The following SIAH2 variants were observed in gnomAD, a reference collection of about 807,000 sequenced individuals.
The protein encoded by SIAH2 is siah E3 ubiquitin protein ligase 2.
Under a neutral mutation model 20.4 loss-of-function variants are expected in SIAH2, and 4 were observed. The ratio of observed to expected loss-of-function variants is 0.20; its 90% CI spans 0.10 to 0.45. SIAH2 has a LOEUF of 0.45. SIAH2 is among the 20% of genes least tolerant of loss of function. The pLI is 0.99. For synonymous variants in SIAH2, 171 were observed against 192.5 expected (o/e 0.89, Z 0.93); for missense variants, 259 against 440.3 (o/e 0.59, Z 3.69).
At chr3:150,746,080 G>A (rs757280516) in intron 1 of SIAH2, among the ~76,000 whole-genome samples, 8 of 152,110 alleles carry the variant, frequency 5.3e-5, no homozygotes, top group African/African-American at 1.7e-4. Flanking sequence ...CACAGGGTGA[G>A]TGGAGGAAAC....
At chr3:150,757,013 T>C (rs542537206) in intron 1 of SIAH2, among the ~76,000 whole-genome samples, 27 of 152,164 alleles carry the variant, frequency 1.8e-4, no homozygotes, top group Non-Finnish European at 4.0e-4. Flanking sequence ...GATCCCCCAT[T>C]GCAACCTTCC....
chr3:150,745,408 A>T (rs1576580390), intron 1 of SIAH2, among the ~76,000 whole-genome samples: 1 of 152,178 alleles, frequency 6.6e-6, no homozygotes, highest in East Asian at 1.9e-4. Context: ...TAGTTTGTGA[A>T]TTCCCCAAGA....
intron 1 of SIAH2, among the ~76,000 whole-genome samples, chr3:150,743,663 G>T (rs1714149466): frequency 6.6e-6 from 1 of 152,164 alleles, no homozygotes; most frequent in Non-Finnish European, 1.5e-5. Context: ...CACTTGGGAT[G>T]ACATTCCTAA....
Position 150,746,504 on chromosome 3 carries a change from T to C in SIAH2, c.418-3806A>G, listed in dbSNP as rs182048781. Among the ~76,000 whole-genome samples, 186 of 152,268 alleles carry C rather than the reference T, an allele frequency of 1.2e-3. 1 individual carries two copies. Among genetic ancestry groups the C allele is most frequent in the African/African-American group, 4.3e-3 (179 of 41,554 alleles). On this transcript the variant is annotated intron_variant, in intron 1 of 1. Transcript: ENST00000312960. ...TTCTCGACAGTGGTGCTATTGACAT[T>C]TTGGACCTGATAATTCGTTGTTGTG...
intron 1 of SIAH2, among the ~76,000 whole-genome samples, chr3:150,750,248 T>G (rs1289371328): frequency 6.6e-6 from 1 of 152,220 alleles, no homozygotes; most frequent in African/African-American, 2.4e-5. Context: ...GACCACTGAA[T>G]GATCACAGGT....
rs1469618419 is a variant in SIAH2 at position 150,762,833 on chromosome 3, G to A, written c.17C>T (p.Ser6Phe). MSRPSSTGPSANKPCS... is the reference protein window; with the variant it reads MSRPSFTGPSANKPCS... ...GGGTTTATTAGCGCTGGGGCCGGTGGAGGACGGGCGGCTCATCGCGCTCCG... is the reference window on the plus strand; with the variant it reads ...GGGTTTATTAGCGCTGGGGCCGGTGAAGGACGGGCGGCTCATCGCGCTCCG... Residue 6 changes from serine (S) to phenylalanine (F), a missense_variant, in exon 1 of 2, where the codon TCC (serine) becomes TTC (phenylalanine). Ser to Phe is a radical substitution (Grantham distance 155). Coordinates refer to ENST00000312960, the MANE Select transcript of SIAH2 (RefSeq NM_005067.7). The surrounding 1 kb of genome is among the most constrained non-coding windows in gnomAD (Gnocchi z 6.6). The A allele has an allele frequency of 8.2e-7, 1 of 1,216,480 alleles. No individual in the cohort carries two copies. 75.4% of individuals were successfully genotyped at this position (1,216,480 alleles called of 1,614,324 possible). A position where few individuals can be genotyped will look rare whatever the true frequency, so the allele number is the denominator to read the frequency against.
At chr3:150,747,850 G>A (rs1236363487) in intron 1 of SIAH2, among the ~76,000 whole-genome samples, 1 of 151,546 alleles carries the variant, frequency 6.6e-6, no homozygotes, top group Non-Finnish European at 1.5e-5. Context: ...TGTAATCCCA[G>A]CTACCCGGGA....
At position 150,742,871 on chromosome 3, in the gene SIAH2, T is replaced by C. The variant is rs962904936; in HGVS notation, c.418-173A>G. On this transcript the variant is annotated intron_variant, in intron 1 of 1. Coordinates refer to ENST00000312960, the MANE Select transcript of SIAH2 (RefSeq NM_005067.7). This position sits in a 1 kb window ranked among gnomAD's most constrained non-coding sequence, Gnocchi z 4.8. The stretch of plus-strand genomic sequence containing the variant: ...TAAAAGTCTCCGTCTCTATTCATCA[T>C]CAATGCTGTCATGCATAAAATGAAG... Among the ~76,000 whole-genome samples the C allele has an allele frequency of 2.6e-5, 4 of 152,238 alleles. No homozygotes were observed. Among genetic ancestry groups the C allele is most frequent in the Non-Finnish European group, 5.9e-5 (4 of 68,052 alleles).
At chr3:150,758,028 TCTCTC>T (rs923931751) in intron 1 of SIAH2, among the ~76,000 whole-genome samples, 8 of 152,086 alleles carry the variant, frequency 5.3e-5, no homozygotes, top group Non-Finnish European at 7.4e-5. Flanking sequence ...ATCAAATACT[TCTCTC>T]CTCTCCTCTC....
rs1288838533 is a variant in SIAH2 at position 150,762,911 on chromosome 3, G to A, written c.-62C>T. On this transcript the variant is annotated 5_prime_UTR_variant, in exon 1 of 2. Coordinates refer to ENST00000312960, the MANE Select transcript of SIAH2 (RefSeq NM_005067.7). The surrounding 1 kb of genome is among the most constrained non-coding windows in gnomAD (Gnocchi z 6.6). ...CCTGCCGCGGGGCCGCCCGGGTCAA[G>A]GCGGTGCGCGCCCCGCGGGCAGCGA... 6 of 1,129,934 alleles carry A rather than the reference G, an allele frequency of 5.3e-6. No individual in the cohort carries two copies. The highest frequency in any genetic ancestry group is 3.9e-4 in the Middle Eastern group (1 of 2,594). 70.0% of individuals were successfully genotyped at this position (1,129,934 alleles called of 1,614,324 possible).
At position 150,742,730 on chromosome 3, in the gene SIAH2, G is replaced by A. The variant is rs1210148714; in HGVS notation, c.418-32C>T. 2.0e-6 allele frequency: 3 copies of A among 1,507,782 alleles called. No individual in the cohort carries two copies. Among genetic ancestry groups the A allele is most frequent in the African/African-American group, 1.4e-5 (1 of 71,506 alleles). 93.4% of individuals were successfully genotyped at this position (1,507,782 alleles called of 1,614,324 possible). ...AGAAAGAAATGCATTGAGCCATTGG[G>A]CCTTCTCAAAACTTCTATTGCTTCA... On this transcript the variant is annotated intron_variant, in intron 1 of 1. Transcript: ENST00000312960. The surrounding 1 kb of genome is among the most constrained non-coding windows in gnomAD (Gnocchi z 4.8).
chr3:150,759,562 A>G (rs1714559880), intron 1 of SIAH2, among the ~76,000 whole-genome samples: 1 of 152,176 alleles, frequency 6.6e-6, no homozygotes, highest in Non-Finnish European at 1.5e-5. Flanking sequence ...CGAAATCCCT[A>G]CGTAGTAAGG....
At chr3:150,756,622 A>G (rs147091891) in intron 1 of SIAH2, among the ~76,000 whole-genome samples, 11 of 152,332 alleles carry the variant, frequency 7.2e-5, no homozygotes, top group Non-Finnish European at 1.3e-4. Context: ...ACTTTCACTG[A>G]TAACTATTTA....
chr3:150,745,860 C>G (rs1332479135), intron 1 of SIAH2, among the ~76,000 whole-genome samples: 1 of 152,168 alleles, frequency 6.6e-6, no homozygotes, highest in Non-Finnish European at 1.5e-5. Context: ...GAACCTCTAT[C>G]CTAGAGCACA....
At chr3:150,744,451 G>C (rs1225319673) in intron 1 of SIAH2, among the ~76,000 whole-genome samples, 1 of 152,088 alleles carries the variant, frequency 6.6e-6, no homozygotes, top group African/African-American at 2.4e-5. Flanking sequence ...ACTCACTCAG[G>C]AGAAACAAAT....
intron 1 of SIAH2, among the ~76,000 whole-genome samples, chr3:150,756,798 G>A (rs1012704618): frequency 2.0e-5 from 3 of 152,150 alleles, no homozygotes; most frequent in Non-Finnish European, 4.4e-5. Flanking sequence ...AAAATCTTGA[G>A]CCCCGGAGTT....
At chr3:150,745,526 T>G (rs1714192854) in intron 1 of SIAH2, among the ~76,000 whole-genome samples, 3 of 151,794 alleles carry the variant, frequency 2.0e-5, no homozygotes, top group Non-Finnish European at 2.9e-5. Context: ...GATGGAGTCT[T>G]GCTCTGTCAC....
chr3:150,750,365 A>G (rs1466629916), intron 1 of SIAH2, among the ~76,000 whole-genome samples: 2 of 152,178 alleles, frequency 1.3e-5, no homozygotes, highest in Non-Finnish European at 2.9e-5. Context: ...TAAATGTTAG[A>G]TGTATCTGCC....
At chr3:150,758,934 G>A (rs779025078) in intron 1 of SIAH2, among the ~76,000 whole-genome samples, 36 of 151,834 alleles carry the variant, frequency 2.4e-4, no homozygotes, top group Admixed American at 1.9e-3. Flanking sequence ...TAGTAGAAAC[G>A]GGGTTTCTCC....
Sources: gnomAD v4.1 joint callset for allele counts (sites outside exome capture counted in the v4.1 genomes callset) on GRCh38, gnomAD v4.1.1 for gene constraint, Gnocchi (gnomAD v3.1) non-coding constraint, MANE v1.5 for transcripts, NCBI Gene and HGNC (gene_info 2026-07-23, HGNC 2026-07-21) for gene names.